MDGA1: variants seen among roughly 807,000 people sequenced by gnomAD.
The protein encoded by MDGA1 is MAM domain-containing glycosylphosphatidylinositol anchor protein 1.
MDGA1 carries 54 observed loss-of-function variants against 101.5 expected under a neutral mutation model. The ratio of observed to expected loss-of-function variants is 0.53; its 90% CI spans 0.43 to 0.67. The LOEUF (loss-of-function observed/expected upper bound fraction) is 0.67, where lower values mean the gene tolerates loss of function less well. MDGA1 is among the 30% of genes least tolerant of loss of function. MDGA1 has a pLI of 0.00. For synonymous variants in MDGA1, 533 were observed against 558.3 expected (o/e 0.95, Z 0.64); for missense variants, 1,083 against 1,323.8 (o/e 0.82, Z 2.82).
At position 37,696,951 on chromosome 6, in the gene MDGA1, A is replaced by G. The variant is rs1762435135; in HGVS notation, c.-140T>C. 2 of 703,874 alleles carry G rather than the reference A, an allele frequency of 2.8e-6. No individual in the cohort carries two copies. The highest frequency in any genetic ancestry group is 2.5e-6 in the Non-Finnish European group (1 of 407,506). The allele number at this position is 703,874 out of a possible 1,614,324, so 43.6% of individuals were successfully genotyped here. On this transcript the variant is annotated 5_prime_UTR_variant, in exon 1 of 17. Coordinates refer to ENST00000434837, the MANE Select transcript of MDGA1 (RefSeq NM_153487.4). This position sits in a 1 kb window ranked among gnomAD's most constrained non-coding sequence, Gnocchi z 5.6. ...AGAGAGAGCGGCGACGAAGACCAGG[A>G]GACTGAAGAGGCGGAGGTGGCGGCG...
In MDGA1 at chr6:37,686,784, C is replaced by A. The variant is rs567147653; in HGVS notation, c.67+9961G>T. Among the ~76,000 whole-genome samples the A allele has an allele frequency of 5.9e-5, 9 of 152,274 alleles. No homozygotes were observed. In the South Asian group the frequency reaches 1.2e-3, roughly 21 times the overall value. On this transcript the variant is annotated intron_variant, in intron 1 of 16. Coordinates refer to ENST00000434837, the MANE Select transcript of MDGA1 (RefSeq NM_153487.4). ...TCTAACATGCAGCCAAGTTTGAGAA[C>A]CACCACCATGAGAAGAGCAGAGCAC... is the stretch of plus-strand genomic sequence containing the variant.
At chr6:37,691,779 A>G (rs1198501342) in intron 1 of MDGA1, among the ~76,000 whole-genome samples, 1 of 152,238 alleles carries the variant, frequency 6.6e-6, no homozygotes, top group Non-Finnish European at 1.5e-5. Flanking sequence ...CAGCAGATGT[A>G]TGCTTGCAAA....
intron 9 of MDGA1, chr6:37,648,773 G>A: frequency 4.3e-6 from 4 of 940,552 alleles, no homozygotes; most frequent in Non-Finnish European, 4.5e-6. Context: ...GGCGGGGCTG[G>A]GAGGCCCAGG....
intron 2 of MDGA1, among the ~76,000 whole-genome samples, chr6:37,662,871 G>A (rs1761659676): frequency 6.6e-6 from 1 of 152,222 alleles, no homozygotes; most frequent in East Asian, 1.9e-4. Context: ...TGACCCAGAG[G>A]CCTCACTGGC....
rs1417149070 is a variant in MDGA1, at chr6:37,696,416, G to A, written c.67+329C>T. On this transcript the variant is annotated intron_variant, in intron 1 of 16. Coordinates refer to ENST00000434837, the MANE Select transcript of MDGA1 (RefSeq NM_153487.4). This position sits in a 1 kb window ranked among gnomAD's most constrained non-coding sequence, Gnocchi z 5.6. Reference sequence around the variant, plus strand: ...CCAGGACGAGGTTTCGGTGCAAGTCGCTGCACCAGTCCTAGACTGGGTCTG... The same window carrying A: ...CCAGGACGAGGTTTCGGTGCAAGTCACTGCACCAGTCCTAGACTGGGTCTG... Among the ~76,000 whole-genome samples the A allele has an allele frequency of 6.6e-6, 1 of 152,190 alleles. No homozygotes were observed. The highest frequency in any genetic ancestry group is 1.5e-5 in the Non-Finnish European group (1 of 68,024).
At position 37,638,274 on chromosome 6, in the gene MDGA1, C is replaced by G; in HGVS notation, c.2707G>C (p.Asp903His). The change falls in exon 16 of 17, where the codon GAT becomes CAT. Residue 903 changes from aspartate to histidine, a missense_variant. Physicochemically the swap from Asp to His is moderately conservative, Grantham distance 81. Around this residue, in one of 3 missense-constraint regions of MDGA1, gnomAD observed 657 missense variants for 771.4 expected, o/e 0.85. Transcript: ENST00000434837. This position sits in a 1 kb window ranked among gnomAD's most constrained non-coding sequence, Gnocchi z 4.8. The part of the protein sequence containing the change: ...EGVRGPGYLG[D>H]IAIDDVTLKK... ...AGTGTGACGTCATCTATGGCAATAT[C>G]CCCCAGGTAGCCCGGGCCTCGAACC... The G allele has an allele frequency of 6.2e-7, 1 of 1,613,206 alleles. No individual in the cohort carries two copies. Among genetic ancestry groups the G allele is most frequent in the Non-Finnish European group, 8.5e-7 (1 of 1,179,624 alleles).
intron 1 of MDGA1, among the ~76,000 whole-genome samples, chr6:37,667,903 A>G (rs3846882): frequency 0.15 from 22,349 of 152,188 alleles, 2,357 homozygotes; most frequent in East Asian, 0.36. Context: ...TGACAGGTGT[A>G]TTTCCCCACT....
intron 1 of MDGA1, among the ~76,000 whole-genome samples, chr6:37,680,495 C>T (rs936731275): frequency 8.5e-5 from 13 of 152,358 alleles, no homozygotes; most frequent in East Asian, 3.9e-4. Context: ...CACATGAAGA[C>T]GACCGGACCC....
At chr6:37,684,488 A>G (rs1762157495) in intron 1 of MDGA1, among the ~76,000 whole-genome samples, 1 of 152,232 alleles carries the variant, frequency 6.6e-6, no homozygotes, top group Non-Finnish European at 1.5e-5. Flanking sequence ...CGCCATGCAG[A>G]CATGTCCTGG....
At chr6:37,648,771 TG>T in intron 9 of MDGA1, 1 of 918,958 alleles carries the variant, frequency 1.1e-6, no homozygotes, top group Non-Finnish European at 1.5e-6. Flanking sequence ...AGGGCGGGGC[TG>T]GGAGGCCCAG....
In MDGA1 at chr6:37,635,828, T is replaced by C. The variant is rs1435327575; in HGVS notation, c.*1540A>G. The C allele has an allele frequency of 2.5e-6, 1 of 398,146 alleles. No individual in the cohort carries two copies. The highest frequency in any genetic ancestry group is 4.4e-6 in the Non-Finnish European group (1 of 226,078). 24.7% of individuals were successfully genotyped at this position (398,146 alleles called of 1,614,324 possible). A position where few individuals can be genotyped will look rare whatever the true frequency, so the allele number is the denominator to read the frequency against. On this transcript the variant is annotated 3_prime_UTR_variant, in exon 17 of 17. Transcript: ENST00000434837. The stretch of plus-strand genomic sequence containing the variant: ...GCAGCTTGAGACTACAGAACAGGGC[T>C]GGACAGAGTCTATTCAGCCAGCACC...
Position 37,654,462 on chromosome 6 carries a change from G to T in MDGA1, c.794C>A (p.Thr265Lys). 1 of 1,614,012 alleles carries T rather than the reference G, an allele frequency of 6.2e-7. No individual in the cohort carries two copies. The highest frequency in any genetic ancestry group is 8.5e-7 in the Non-Finnish European group (1 of 1,179,888). Residue 265 changes from threonine to lysine, a missense_variant, in exon 6 of 17, where the codon ACA becomes AAA. Thr to Lys is a moderately conservative substitution (Grantham distance 78). Around this residue, in one of 3 missense-constraint regions of MDGA1, gnomAD observed 116 missense variants for 196.6 expected, o/e 0.59. Coordinates refer to ENST00000434837, the MANE Select transcript of MDGA1 (RefSeq NM_153487.4). ...CAGCTGGGGGAGGGGATCACCGCCT[G>T]TCAGCAGACACTGCACCGTCACATT... is the stretch of plus-strand genomic sequence containing the variant. The part of the protein sequence containing the change: ...GENVTVQCLL[T>K]GGDPLPQLQW...
chr6:37,649,261 G>C lies in MDGA1; in HGVS notation c.1615C>G (p.Pro539Ala), dbSNP rs1462663889. 4.7e-6 allele frequency: 7 copies of C among 1,499,338 alleles called. No individual in the cohort carries two copies. The African/African-American group carries it at 1.0e-4, about 22-fold the overall frequency. 92.9% of individuals were successfully genotyped at this position (1,499,338 alleles called of 1,614,324 possible). The change falls in exon 9 of 17, where the codon CCG becomes GCG. Residue 539 changes from proline (P) to alanine (A), a missense_variant. By Grantham distance (27) the Pro-to-Ala change is conservative. Transcript: ENST00000434837. ...TCCTGGGAACTGGGCTCCACCTCCGGCGGGACTGGGGGCGGGAGCGGCGGT... is the reference window on the plus strand; with the variant it reads ...TCCTGGGAACTGGGCTCCACCTCCGCCGGGACTGGGGGCGGGAGCGGCGGT... ...AQVQLNVQFP[P>A]EVEPSSQDVR...
intron 1 of MDGA1, among the ~76,000 whole-genome samples, chr6:37,685,271 GAA>G (rs1031467965): frequency 1.4e-4 from 22 of 151,878 alleles, no homozygotes; most frequent in African/African-American, 5.1e-4. Flanking sequence ...CAGCCTAGGA[GAA>G]AGAGTGAGAC....
At chr6:37,695,972 CT>C (rs893497931) in intron 1 of MDGA1, among the ~76,000 whole-genome samples, 1 of 152,152 alleles carries the variant, frequency 6.6e-6, no homozygotes, top group African/African-American at 2.4e-5. Flanking sequence ...CAGAGTCTCC[CT>C]TGGTAACCAC....
At chr6:37,670,510 A>C (rs1246541795) in intron 1 of MDGA1, among the ~76,000 whole-genome samples, 1 of 152,062 alleles carries the variant, frequency 6.6e-6, no homozygotes, top group East Asian at 1.9e-4. Context: ...CTTAAGCCTT[A>C]GTTTTCTCAT....
At chr6:37,653,465 C>T (rs1761413786) in intron 6 of MDGA1, among the ~76,000 whole-genome samples, 1 of 152,088 alleles carries the variant, frequency 6.6e-6, no homozygotes, top group South Asian at 2.1e-4. Context: ...TCGGCAGAAG[C>T]TGTACTTTAT....
chr6:37,653,448 G>A (rs1761413450), intron 6 of MDGA1, among the ~76,000 whole-genome samples: 1 of 152,238 alleles, frequency 6.6e-6, no homozygotes, highest in Non-Finnish European at 1.5e-5. Flanking sequence ...GTGACTCTCA[G>A]TGGAGTTCGG....
At position 37,637,280 on chromosome 6, in the gene MDGA1, C is replaced by T. The variant is rs1405674609; in HGVS notation, c.*88G>A. ...GGCGGGCCGGCCCTGCCCCTGGGCA[C>T]CCCAGCTGGCGGGGGTCAGTCTTTG... On this transcript the variant is annotated 3_prime_UTR_variant, in exon 17 of 17. Transcript: ENST00000434837. The T allele has an allele frequency of 9.8e-6, 11 of 1,125,152 alleles. No homozygotes were observed. The highest frequency in any genetic ancestry group is 1.4e-5 in the Non-Finnish European group (11 of 759,084). The allele number at this position is 1,125,152 out of a possible 1,614,324, so 69.7% of individuals were successfully genotyped here.
Sources: gnomAD v4.1 joint callset for allele counts (sites outside exome capture counted in the v4.1 genomes callset) on GRCh38, gnomAD v4.1.1 for gene constraint, gnomAD v4.1.1 regional missense constraint, Gnocchi (gnomAD v3.1) non-coding constraint, MANE v1.5 for transcripts, NCBI Gene and HGNC (gene_info 2026-07-23, HGNC 2026-07-21) for gene names.